The following SSBP2 variants were observed in gnomAD, a reference collection of about 807,000 sequenced individuals.
SSBP2 encodes the protein single-stranded DNA-binding protein 2.
Under a neutral mutation model 61.8 loss-of-function variants are expected in SSBP2, and 17 were observed. The observed-to-expected ratio is 0.28, with a 90% confidence interval of 0.19 to 0.41. The LOEUF (loss-of-function observed/expected upper bound fraction) is 0.41, where lower values mean the gene tolerates loss of function less well. SSBP2 is among the 10% of genes least tolerant of loss of function. The probability of loss-of-function intolerance (pLI) is 1.00; values close to 1 mark genes in which losing one functional copy is unlikely to be tolerated. For missense variants in SSBP2, 310 were observed against 458.7 expected (o/e 0.68, Z 2.96); for synonymous variants, 139 against 141.3 (o/e 0.98, Z 0.12).
At position 81,480,169 on chromosome 5, in the gene SSBP2, AAC is replaced by A. The variant is rs1477287173; in HGVS notation, c.433-5609_433-5608del. Among the ~76,000 whole-genome samples, 87 of 152,320 alleles carry A rather than the reference AAC, an allele frequency of 5.7e-4. 1 individual carries two copies. The highest frequency in any genetic ancestry group is 1.9e-4 in the Non-Finnish European group (13 of 68,034). On this transcript the variant is annotated intron_variant, in intron 6 of 16. Transcript: ENST00000320672. ...ATTAAAACAAATAATTAAATGGGGG[AAC>A]TGCCTGCTTCATAAAAGAATTATTT...
intron 9 of SSBP2, among the ~76,000 whole-genome samples, chr5:81,462,393 C>G (rs538349221): frequency 6.6e-6 from 1 of 152,212 alleles, no homozygotes; most frequent in Non-Finnish European, 1.5e-5. Flanking sequence ...TTTTGAGATT[C>G]CCTAGAGGTG....
At chr5:81,628,367 T>A in intron 3 of SSBP2, among the ~76,000 whole-genome samples, 1 of 152,052 alleles carries the variant, frequency 6.6e-6, no homozygotes, top group East Asian at 1.9e-4. Flanking sequence ...CCACCACACG[T>A]GGGGATTATG....
chr5:81,438,769 C>T (rs1762829211), intron 14 of SSBP2, among the ~76,000 whole-genome samples: 1 of 152,016 alleles, frequency 6.6e-6, no homozygotes, highest in African/African-American at 2.4e-5. Context: ...CTACAAATAA[C>T]AATATTGCAA....
chr5:81,638,688 T>C (rs1748494862), intron 2 of SSBP2, among the ~76,000 whole-genome samples: 1 of 152,164 alleles, frequency 6.6e-6, no homozygotes, highest in Non-Finnish European at 1.5e-5. Context: ...TATAAAAATA[T>C]TCAAAGTATT....
chr5:81,548,984 TTAAC>T (rs1312068989), intron 4 of SSBP2, among the ~76,000 whole-genome samples: 1 of 152,324 alleles, frequency 6.6e-6, no homozygotes, highest in Middle Eastern at 3.4e-3. Context: ...TTATACATAT[TTAAC>T]TGACATTATA....
chr5:81,444,527 T>A (rs1763247217), intron 12 of SSBP2, among the ~76,000 whole-genome samples: 1 of 152,186 alleles, frequency 6.6e-6, no homozygotes, highest in African/African-American at 2.4e-5. Context: ...AATAAGCTCA[T>A]GGAGAGAAGG....
intron 4 of SSBP2, among the ~76,000 whole-genome samples, chr5:81,548,971 AT>A (rs1360135360): frequency 6.6e-6 from 1 of 152,156 alleles, no homozygotes; most frequent in African/African-American, 2.4e-5. Context: ...ATAAACTGAA[AT>A]TTTATACATA....
chr5:81,465,257 G>T (rs1057141717), intron 9 of SSBP2, among the ~76,000 whole-genome samples: 5 of 151,842 alleles, frequency 3.3e-5, no homozygotes, highest in African/African-American at 1.2e-4. Flanking sequence ...TGATGTAATT[G>T]AAAATACTTA....
At chr5:81,728,529 T>C (rs557562555) in intron 1 of SSBP2, among the ~76,000 whole-genome samples, 1 of 152,308 alleles carries the variant, frequency 6.6e-6, no homozygotes, top group South Asian at 2.1e-4. Flanking sequence ...TATAACCTTG[T>C]GCAAGCCACT....
intron 10 of SSBP2, among the ~76,000 whole-genome samples, chr5:81,460,240 A>C (rs1421654673): frequency 3.9e-5 from 6 of 152,148 alleles, no homozygotes; most frequent in Non-Finnish European, 7.4e-5. Flanking sequence ...ATGCCCATTG[A>C]CTTCACAAGG....
chr5:81,552,110 A>G (rs1056023758), intron 4 of SSBP2, among the ~76,000 whole-genome samples: 1 of 152,220 alleles, frequency 6.6e-6, no homozygotes, highest in Non-Finnish European at 1.5e-5. Context: ...CATAAAATTA[A>G]TAACATTATC....
At chr5:81,466,080 A>G (rs995963397) in intron 9 of SSBP2, among the ~76,000 whole-genome samples, 3 of 152,040 alleles carry the variant, frequency 2.0e-5, no homozygotes, top group African/African-American at 7.2e-5. Flanking sequence ...AATTTGATAT[A>G]TAAGTAATCA....
At chr5:81,420,659 C>A (rs763899025) in intron 16 of SSBP2, 126 bp from the exon 17 acceptor site, 52 of 733,766 alleles carry the variant, frequency 7.1e-5, no homozygotes, top group Non-Finnish European at 1.1e-4. Context: ...CTTTTCATCT[C>A]ATACAACATA....
At chr5:81,658,822 G>A (rs919500762) in intron 1 of SSBP2, among the ~76,000 whole-genome samples, 4 of 152,098 alleles carry the variant, frequency 2.6e-5, no homozygotes, top group Non-Finnish European at 5.9e-5. Context: ...TATCCACCAC[G>A]ATCAACTTGG....
chr5:81,461,047 A>G lies in SSBP2; in HGVS notation c.687+8T>C. The G allele has an allele frequency of 6.6e-7, 1 of 1,519,884 alleles. No individual in the cohort carries two copies. The highest frequency in any genetic ancestry group is 8.9e-7 in the Non-Finnish European group (1 of 1,122,196). The allele number at this position is 1,519,884 out of a possible 1,614,324, so 94.1% of individuals were successfully genotyped here. A position where few individuals can be genotyped will look rare whatever the true frequency, so the allele number is the denominator to read the frequency against. ...AAAATATTAAAAAAAATATATATAT[A>G]TACTCACTGAATTGGCATTTGTTGG... On this transcript the variant is annotated splice_region_variant and intron_variant, in intron 10 of 16. Transcript: ENST00000320672.
At chr5:81,676,230 G>A (rs1443746265) in intron 1 of SSBP2, among the ~76,000 whole-genome samples, 1 of 152,040 alleles carries the variant, frequency 6.6e-6, no homozygotes, top group African/African-American at 2.4e-5. Flanking sequence ...TATAGTCTAT[G>A]GCTCATAACC....
chr5:81,683,044 T>G (rs1479698281), intron 1 of SSBP2, among the ~76,000 whole-genome samples: 1 of 152,128 alleles, frequency 6.6e-6, no homozygotes, highest in Non-Finnish European at 1.5e-5. Context: ...GATACCATGT[T>G]CATGGAGAGG....
intron 4 of SSBP2, among the ~76,000 whole-genome samples, chr5:81,543,041 G>A (rs866006692): frequency 2.0e-5 from 3 of 152,028 alleles, no homozygotes; most frequent in South Asian, 4.1e-4. Context: ...TTTTAGTAGA[G>A]ACGGGGTTTC....
chr5:81,670,330 T>G (rs1347483386), intron 1 of SSBP2, among the ~76,000 whole-genome samples: 1 of 152,184 alleles, frequency 6.6e-6, no homozygotes, highest in Admixed American at 6.6e-5. Context: ...AAGTTAAAAT[T>G]TATTTTAAAA....
Sources: gnomAD v4.1 joint callset for allele counts (sites outside exome capture counted in the v4.1 genomes callset) on GRCh38, gnomAD v4.1.1 for gene constraint, MANE v1.5 for transcripts, NCBI Gene and HGNC (gene_info 2026-07-23, HGNC 2026-07-21) for gene names.